Variants in EYS observed in about 807,000 individuals in gnomAD.
EYS encodes the protein EGF-like photoreceptor maintenance factor.
A neutral mutation model predicts 282.1 loss-of-function variants in EYS; 250 were observed. That is an observed-to-expected ratio of 0.89 (90% confidence interval 0.80 to 0.98). The LOEUF (loss-of-function observed/expected upper bound fraction) is 0.98. Ranked by LOEUF, EYS falls within the 50% of genes least tolerant of loss-of-function variation. The pLI, the probability that EYS is intolerant of heterozygous loss-of-function variation, is 0.00. For synonymous variants in EYS, 1,355 were observed against 1,282.9 expected (o/e 1.06, Z -1.20); for missense variants, 4,016 against 3,709.0 (o/e 1.08, Z -2.15).
chr6:65,447,562 G>A (rs12203562), intron 5 of EYS, among the ~76,000 whole-genome samples: 27,945 of 151,050 alleles, frequency 0.19, 3,216 homozygotes, highest in Middle Eastern at 0.3. Flanking sequence ...ACTTTTTCAT[G>A]TGCTCTTTGT....
chr6:64,868,266 C>G (rs1338879218), intron 19 of EYS, among the ~76,000 whole-genome samples: 1 of 151,392 alleles, frequency 6.6e-6, no homozygotes, highest in Non-Finnish European at 1.5e-5. Context: ...TGTGAATAAA[C>G]ACAAATATTT....
intron 35 of EYS, among the ~76,000 whole-genome samples, chr6:63,958,724 T>C (rs1765926638): frequency 6.6e-6 from 1 of 152,228 alleles, no homozygotes; most frequent in Non-Finnish European, 1.5e-5. Context: ...ATGCAGCTAA[T>C]GACTTTAAGT....
chr6:65,650,175 AG>A (rs1186134175), intron 1 of EYS, among the ~76,000 whole-genome samples: 1 of 152,194 alleles, frequency 6.6e-6, no homozygotes, highest in Non-Finnish European at 1.5e-5. Context: ...GAATGAAGGC[AG>A]GCAAAATAGA....
chr6:64,783,058 C>G (rs1305571221), intron 22 of EYS, among the ~76,000 whole-genome samples: 1 of 152,118 alleles, frequency 6.6e-6, no homozygotes, highest in Non-Finnish European at 1.5e-5. Context: ...CTGTCTGGGA[C>G]GTGAATCATC....
intron 22 of EYS, among the ~76,000 whole-genome samples, chr6:64,658,353 A>G (rs572377605): frequency 1.3e-5 from 2 of 152,216 alleles, no homozygotes; most frequent in African/African-American, 4.8e-5. Context: ...CTCTCAGCTC[A>G]TCAAAGTCAT....
At chr6:64,593,596 A>G (rs572723082) in intron 24 of EYS, among the ~76,000 whole-genome samples, 4 of 152,256 alleles carry the variant, frequency 2.6e-5, no homozygotes, top group African/African-American at 4.8e-5. Context: ...TAGTTTTCCA[A>G]TGAAGAATTT....
chr6:64,521,329 G>C (rs759699002), intron 26 of EYS, among the ~76,000 whole-genome samples: 4 of 151,792 alleles, frequency 2.6e-5, no homozygotes, highest in Non-Finnish European at 4.4e-5. Flanking sequence ...ATGGAGAAGT[G>C]AAAGTCAGGT....
chr6:64,909,923 T>C (rs1767941205), intron 16 of EYS, among the ~76,000 whole-genome samples: 1 of 152,154 alleles, frequency 6.6e-6, no homozygotes, highest in Non-Finnish European at 1.5e-5. Context: ...TCTAATATAG[T>C]TTTCTAACAT....
intron 28 of EYS, 94 bp downstream of exon 28, chr6:64,436,080 G>A (rs1419392520): frequency 3.0e-6 from 2 of 662,510 alleles, no homozygotes; most frequent in East Asian, 2.8e-5. Context: ...ATACTAATCA[G>A]TATAACCTCA....
At chr6:64,193,307 ATTG>A (rs1426131184) in intron 31 of EYS, among the ~76,000 whole-genome samples, 1 of 151,390 alleles carries the variant, frequency 6.6e-6, no homozygotes, top group Non-Finnish European at 1.5e-5. Flanking sequence ...ATGAGTTACT[ATTG>A]TTTTTTCTTT....
chr6:65,386,186 A>C (rs987338047), intron 7 of EYS, among the ~76,000 whole-genome samples: 1 of 151,746 alleles, frequency 6.6e-6, no homozygotes, highest in Non-Finnish European at 1.5e-5. Context: ...TGATCCAAAA[A>C]AAAAAAAAAG....
chr6:65,618,243 T>A (rs1268429159), intron 2 of EYS, among the ~76,000 whole-genome samples: 1 of 152,374 alleles, frequency 6.6e-6, no homozygotes, highest in East Asian at 1.9e-4. Context: ...ATGATCGCCA[T>A]TCTAACTGGT....
intron 39 of EYS, among the ~76,000 whole-genome samples, chr6:63,783,665 A>G (rs1770292353): frequency 6.6e-6 from 1 of 152,074 alleles, no homozygotes; most frequent in Non-Finnish European, 1.5e-5. Context: ...TCAATGAGTG[A>G]GCTCAGAGAG....
intron 30 of EYS, among the ~76,000 whole-genome samples, 182 bp downstream of exon 30, chr6:64,306,788 A>G (rs1769461558): frequency 6.6e-6 from 1 of 152,178 alleles, no homozygotes; most frequent in South Asian, 2.1e-4. Context: ...GTCCATCTTA[A>G]TTGGGATATA....
chr6:65,373,110 A>G (rs998284838), intron 8 of EYS, among the ~76,000 whole-genome samples: 5 of 152,092 alleles, frequency 3.3e-5, no homozygotes, highest in African/African-American at 1.2e-4. Context: ...TCCTGGCCCA[A>G]CTGGCCATCA....
At chr6:65,189,729 G>A (rs1765597442) in intron 12 of EYS, among the ~76,000 whole-genome samples, 1 of 151,652 alleles carries the variant, frequency 6.6e-6, no homozygotes, top group Non-Finnish European at 1.5e-5. Flanking sequence ...TTTATAAAGA[G>A]CTCTAAAATT....
chr6:64,788,594 C>T (rs1476312524), intron 22 of EYS, among the ~76,000 whole-genome samples: 2 of 152,134 alleles, frequency 1.3e-5, no homozygotes, highest in African/African-American at 4.8e-5. Flanking sequence ...CTAAATGCTT[C>T]TAACACTGAT....
chr6:64,165,332 T>C (rs1285330894), intron 31 of EYS, among the ~76,000 whole-genome samples: 7 of 152,048 alleles, frequency 4.6e-5, no homozygotes, highest in Admixed American at 4.6e-4. Context: ...ATCTATGATT[T>C]TAATTTATAA....
intron 5 of EYS, among the ~76,000 whole-genome samples, chr6:65,461,936 G>C (rs930912329): frequency 6.6e-6 from 1 of 151,842 alleles, no homozygotes; most frequent in African/African-American, 2.4e-5. Context: ...TGCTATTCTT[G>C]GGTATTTACC....
Sources: allele counts gnomAD v4.1 joint callset (sites outside exome capture counted in the v4.1 genomes callset), GRCh38; gene constraint gnomAD v4.1.1; transcripts MANE v1.5; gene names NCBI Gene and HGNC (gene_info 2026-07-23, HGNC 2026-07-21).